The following STAG1 variants were observed in gnomAD, a reference collection of about 807,000 sequenced individuals.
STAG1 encodes the protein cohesin subunit SA-1.
STAG1 carries 26 observed loss-of-function variants against 170.9 expected under a neutral mutation model. The observed-to-expected ratio is 0.15, with a 90% CI of 0.11 to 0.21. The LOEUF (loss-of-function observed/expected upper bound fraction) is 0.21, where lower values mean the gene tolerates loss of function less well. Ranked by LOEUF, STAG1 falls within the 10% of genes least tolerant of loss-of-function variation. STAG1 has a pLI of 1.00. For synonymous variants in STAG1, 514 were observed against 497.7 expected (o/e 1.03, Z -0.44); for missense variants, 964 against 1,509.5 (o/e 0.64, Z 5.99).
intron 2 of STAG1, among the ~76,000 whole-genome samples, chr3:136,627,652 A>G (rs1940166037): frequency 6.6e-6 from 1 of 152,190 alleles, no homozygotes; most frequent in African/African-American, 2.4e-5. Flanking sequence ...TTTAGGATAT[A>G]TGCAGTGAAA....
chr3:136,686,390 C>T (rs939541906), intron 1 of STAG1, among the ~76,000 whole-genome samples: 1 of 152,122 alleles, frequency 6.6e-6, no homozygotes, highest in Non-Finnish European at 1.5e-5. Flanking sequence ...ATATGACAGT[C>T]AATGTCAGGG....
intron 28 of STAG1, among the ~76,000 whole-genome samples, chr3:136,353,205 G>A (rs756316436): frequency 3.9e-5 from 6 of 152,148 alleles, no homozygotes; most frequent in Non-Finnish European, 7.3e-5. Flanking sequence ...AATGAACAGA[G>A]CATGAGAGAA....
chr3:136,528,009 C>T (rs997414072), intron 6 of STAG1, among the ~76,000 whole-genome samples: 1 of 152,200 alleles, frequency 6.6e-6, no homozygotes, highest in Non-Finnish European at 1.5e-5. Flanking sequence ...GGGGATGCCT[C>T]CCAGTTAGGC....
intron 7 of STAG1, among the ~76,000 whole-genome samples, chr3:136,509,713 G>C (rs914135272): frequency 6.6e-6 from 1 of 152,122 alleles, no homozygotes; most frequent in Non-Finnish European, 1.5e-5. Context: ...GGAACAAAAG[G>C]AGAGTTCATC....
intron 1 of STAG1, among the ~76,000 whole-genome samples, chr3:136,666,816 T>A (rs1941797959): frequency 6.7e-6 from 1 of 149,466 alleles, no homozygotes; most frequent in South Asian, 2.1e-4. Flanking sequence ...TGAAACTCTG[T>A]CTTTAAAAAA....
At chr3:136,500,097 A>G (rs959996857) in intron 9 of STAG1, 126 bp downstream of exon 9, 6 of 642,424 alleles carry the variant, frequency 9.3e-6, no homozygotes, top group South Asian at 6.9e-5. Context: ...ACTGACAGCC[A>G]AAGTTGTTTT....
chr3:136,685,538 A>G (rs1407799481), intron 1 of STAG1, among the ~76,000 whole-genome samples: 1 of 152,186 alleles, frequency 6.6e-6, no homozygotes, highest in Non-Finnish European at 1.5e-5. Flanking sequence ...TTTACACACA[A>G]CTGACTGACA....
intron 1 of STAG1, among the ~76,000 whole-genome samples, chr3:136,659,460 C>T (rs1028479215): frequency 9.2e-5 from 14 of 152,116 alleles, no homozygotes; most frequent in African/African-American, 3.1e-4. Flanking sequence ...GCAAGTGACC[C>T]GAGAGTTGCC....
chr3:136,438,490 G>A (rs771865115), intron 15 of STAG1, among the ~76,000 whole-genome samples: 16 of 152,048 alleles, frequency 1.1e-4, no homozygotes, highest in Non-Finnish European at 2.1e-4. Flanking sequence ...TCCCCAAAGT[G>A]CTAGGATTAA....
intron 5 of STAG1, among the ~76,000 whole-genome samples, chr3:136,562,392 C>T (rs951485481): frequency 2.0e-5 from 3 of 151,806 alleles, no homozygotes; most frequent in African/African-American, 7.3e-5. Flanking sequence ...TCCCAAGCAG[C>T]TGGGATTACG....
chr3:136,705,364 T>C (rs1183141597), intron 1 of STAG1, among the ~76,000 whole-genome samples: 1 of 144,970 alleles, frequency 6.9e-6, no homozygotes, highest in African/African-American at 2.6e-5. Flanking sequence ...AGGAAAAATA[T>C]CACATGATCA....
At chr3:136,506,645 CAAAAAAA>C (rs1248797469) in intron 7 of STAG1, among the ~76,000 whole-genome samples, 3 of 46,536 alleles carry the variant, frequency 6.4e-5, no homozygotes, top group African/African-American at 1.6e-4. Context: ...GACTCCACCT[CAAAAAAA>C]AAAAAAAAAA....
At chr3:136,486,016 G>A (rs997055671) in intron 9 of STAG1, among the ~76,000 whole-genome samples, 1 of 152,110 alleles carries the variant, frequency 6.6e-6, no homozygotes, top group Non-Finnish European at 1.5e-5. Context: ...AGTTTCCTTA[G>A]AGCAGTGTTT....
chr3:136,502,367 T>C (rs931895785), intron 8 of STAG1, among the ~76,000 whole-genome samples: 2 of 152,168 alleles, frequency 1.3e-5, no homozygotes, highest in Admixed American at 6.5e-5. Flanking sequence ...TTTGAGCCTA[T>C]AGCCTTATAA....
In STAG1 at chr3:136,477,276, C is replaced by A. The variant is rs747195672; in HGVS notation, c.1026+13G>T. 4.4e-6 allele frequency: 7 copies of A among 1,605,888 alleles called. No individual in the cohort carries two copies. The East Asian group carries it at 6.7e-5, about 15-fold the overall frequency. ...ACATAACTTCCATCAAAGCTTAGAA[C>A]AGAGTAACTTACCCTGTCATGAAGA... On this transcript the variant is annotated intron_variant, in intron 10 of 33. Coordinates refer to ENST00000383202, the MANE Select transcript of STAG1 (RefSeq NM_005862.3).
chr3:136,441,478 C>A (rs1451448310), intron 15 of STAG1, among the ~76,000 whole-genome samples: 1 of 152,200 alleles, frequency 6.6e-6, no homozygotes. Context: ...TTGTGTCACA[C>A]ATAATAAATT....
At chr3:136,461,666 C>A (rs1314141460) in intron 13 of STAG1, among the ~76,000 whole-genome samples, 2 of 149,618 alleles carry the variant, frequency 1.3e-5, no homozygotes, top group Non-Finnish European at 3.0e-5. Flanking sequence ...TGGGGCAAGA[C>A]CTCAATAGCA....
intron 1 of STAG1, among the ~76,000 whole-genome samples, chr3:136,695,385 C>T (rs1294446523): frequency 6.6e-6 from 1 of 150,734 alleles, no homozygotes; most frequent in East Asian, 1.9e-4. Context: ...TGCAGTGCGC[C>T]GAGATTGCAC....
chr3:136,668,318 ATAT>A (rs1941867545), intron 1 of STAG1, among the ~76,000 whole-genome samples: 1 of 146,876 alleles, frequency 6.8e-6, no homozygotes, highest in Admixed American at 6.9e-5. Flanking sequence ...CATGACATAT[ATAT>A]TATACATGAT....
Sources: allele counts gnomAD v4.1 joint callset (sites outside exome capture counted in the v4.1 genomes callset), GRCh38; gene constraint gnomAD v4.1.1; transcripts MANE v1.5; gene names NCBI Gene and HGNC (gene_info 2026-07-23, HGNC 2026-07-21).